The following CLVS1 variants were observed in gnomAD, a reference collection of about 807,000 sequenced individuals.
CLVS1 encodes clavesin-1.
Under a neutral mutation model 33.1 loss-of-function variants are expected in CLVS1, and 10 were observed. The observed-to-expected ratio is 0.30, with a 90% CI of 0.19 to 0.51. CLVS1 has a LOEUF of 0.51. Among genes scored for constraint, CLVS1 ranks in the 20% least tolerant of loss-of-function variants. The probability of loss-of-function intolerance (pLI) is 0.97; values close to 1 mark genes in which losing one functional copy is unlikely to be tolerated. For missense variants in CLVS1, 343 were observed against 433.4 expected, an observed-to-expected ratio of 0.79 and a Z score of 1.85; for synonymous variants, 163 against 166.1, an observed-to-expected ratio of 0.98 and a Z score of 0.14.
intron 2 of CLVS1, among the ~76,000 whole-genome samples, chr8:61,218,780 C>CA (rs748142714): frequency 5.1e-3 from 192 of 37,928 alleles, no homozygotes; most frequent in Admixed American, 7.3e-3. Context: ...AGTAAAAATA[C>CA]AAAAAAAAAA....
intron 3 of CLVS1, among the ~76,000 whole-genome samples, chr8:61,422,285 G>A (rs1470596719): frequency 1.3e-5 from 2 of 152,146 alleles, no homozygotes; most frequent in Non-Finnish European, 2.9e-5. Flanking sequence ...AACATAACGT[G>A]AACTCAGTCA....
Position 61,300,177 on chromosome 8 carries a change from G to A in CLVS1, c.350G>A (p.Gly117Asp), listed in dbSNP as rs1296695398. ...AAAAACTTCAAGGCAGATGATCCCG[G>A]CATTAAGAGGGCTCTGATCGATGGG... Reference protein sequence around the residue: ...MFKNFKADDPGIKRALIDGFP... With the variant: ...MFKNFKADDPDIKRALIDGFP... Residue 117 changes from glycine (G) to aspartate (D), a missense_variant, in exon 2 of 6, where the codon GGC becomes GAC. Gly to Asp is a moderately conservative substitution (Grantham distance 94, BLOSUM62 -1). Coordinates refer to ENST00000325897, the MANE Select transcript of CLVS1 (RefSeq NM_173519.3). 6.2e-7 allele frequency: 1 copy of A among 1,613,984 alleles called. No individual in the cohort carries two copies. The highest frequency in any genetic ancestry group is 1.3e-5 in the African/African-American group (1 of 75,008).
intron 2 of CLVS1, among the ~76,000 whole-genome samples, chr8:61,341,027 C>T (rs796130670): frequency 1.3e-5 from 2 of 152,322 alleles, no homozygotes; most frequent in African/African-American, 4.8e-5. Flanking sequence ...GTGCAAACAT[C>T]ACAGGCAGGA....
intron 5 of CLVS1, among the ~76,000 whole-genome samples, chr8:61,473,636 T>C (rs532029848): frequency 5.9e-5 from 9 of 152,288 alleles, no homozygotes; most frequent in Admixed American, 2.0e-4. Flanking sequence ...TAGGAGATCA[T>C]TGTAGCCTGG....
chr8:61,094,648 A>G (rs960140989), intron 1 of CLVS1, among the ~76,000 whole-genome samples: 2 of 152,188 alleles, frequency 1.3e-5, no homozygotes, highest in Admixed American at 1.3e-4. Flanking sequence ...ATGAAGTTGT[A>G]TGAGTGAGCT....
At chr8:61,320,362 T>C (rs1811152184) in intron 2 of CLVS1, among the ~76,000 whole-genome samples, 1 of 152,072 alleles carries the variant, frequency 6.6e-6, no homozygotes, top group Non-Finnish European at 1.5e-5. Flanking sequence ...TCTGGCAATA[T>C]TCTAAAAGAT....
chr8:61,448,785 A>T (rs1391793806), intron 3 of CLVS1, among the ~76,000 whole-genome samples: 1 of 151,876 alleles, frequency 6.6e-6, no homozygotes, highest in South Asian at 2.1e-4. Flanking sequence ...TTTCCTTTCT[A>T]AAACTACTTT....
At chr8:61,241,909 T>A (rs180918231) in intron 2 of CLVS1, among the ~76,000 whole-genome samples, 1 of 152,332 alleles carries the variant, frequency 6.6e-6, no homozygotes, top group East Asian at 1.9e-4. Flanking sequence ...ATATTTTCAC[T>A]GGGTATAGAT....
intron 3 of CLVS1, among the ~76,000 whole-genome samples, chr8:61,437,068 G>A (rs73685031): frequency 0.024 from 3,646 of 152,144 alleles, 129 homozygotes; most frequent in African/African-American, 0.082. Context: ...AGTAGGGAGG[G>A]GTCTATCAAG....
intron 1 of CLVS1, among the ~76,000 whole-genome samples, chr8:61,062,035 G>T (rs937821664): frequency 4.6e-5 from 7 of 152,106 alleles, no homozygotes; most frequent in Non-Finnish European, 8.8e-5. Flanking sequence ...AAAAGATGCA[G>T]TGAAAAAATG....
At chr8:61,448,507 C>T (rs1039302692) in intron 3 of CLVS1, among the ~76,000 whole-genome samples, 15 of 151,934 alleles carry the variant, frequency 9.9e-5, no homozygotes, top group African/African-American at 3.4e-4. Flanking sequence ...ATTCTTTCTT[C>T]TGTCACTTCT....
intron 1 of CLVS1, among the ~76,000 whole-genome samples, chr8:61,062,776 A>G (rs1804604301): frequency 6.6e-6 from 1 of 152,148 alleles, no homozygotes; most frequent in South Asian, 2.1e-4. Context: ...CAGCTTCTCC[A>G]TATGTCTTTC....
chr8:61,213,448 C>T (rs1808013958), intron 2 of CLVS1, among the ~76,000 whole-genome samples: 1 of 127,146 alleles, frequency 7.9e-6, no homozygotes, highest in Non-Finnish European at 1.6e-5. Context: ...GTCAGGGACC[C>T]CAAATGGAGG....
At chr8:61,360,770 C>T (rs1812940172) in intron 2 of CLVS1, among the ~76,000 whole-genome samples, 1 of 152,210 alleles carries the variant, frequency 6.6e-6, no homozygotes, top group South Asian at 2.1e-4. Flanking sequence ...AGCTCTTTCA[C>T]TGATTCTTGA....
intron 2 of CLVS1, among the ~76,000 whole-genome samples, chr8:61,367,161 G>A (rs1422155360): frequency 3.9e-5 from 6 of 152,038 alleles, no homozygotes; most frequent in Non-Finnish European, 8.8e-5. Context: ...CTCGACTCCA[G>A]TCCCCTGCCT....
chr8:61,081,025 A>G (rs993573824), intron 1 of CLVS1, among the ~76,000 whole-genome samples: 10 of 152,222 alleles, frequency 6.6e-5, no homozygotes, highest in African/African-American at 2.4e-4. Context: ...AATGTCTACA[A>G]TCTTAGTTTG....
chr8:61,117,480 C>T (rs1346219334), intron 1 of CLVS1, among the ~76,000 whole-genome samples: 1 of 151,536 alleles, frequency 6.6e-6, no homozygotes, highest in African/African-American at 2.4e-5. Context: ...CCAGTTTTTG[C>T]CCATTCAGTA....
At chr8:61,491,647 G>A (rs1385086991) in intron 5 of CLVS1, among the ~76,000 whole-genome samples, 1 of 152,118 alleles carries the variant, frequency 6.6e-6, no homozygotes, top group African/African-American at 2.4e-5. Context: ...TAATATTAAA[G>A]AGCTAAGAAT....
At chr8:61,380,171 T>G (rs1813814000) in intron 3 of CLVS1, among the ~76,000 whole-genome samples, 1 of 152,220 alleles carries the variant, frequency 6.6e-6, no homozygotes, top group Non-Finnish European at 1.5e-5. Flanking sequence ...TTCTAGGTAC[T>G]ATAGAAGTGA....
Sources: allele counts gnomAD v4.1 joint callset (sites outside exome capture counted in the v4.1 genomes callset), GRCh38; gene constraint gnomAD v4.1.1; transcripts MANE v1.5; gene names NCBI Gene and HGNC (gene_info 2026-07-23, HGNC 2026-07-21).